The following CDKAL1 variants were observed in gnomAD, a reference collection of about 807,000 sequenced individuals.
CDKAL1 encodes the protein threonylcarbamoyladenosine tRNA methylthiotransferase.
Under a neutral mutation model 68.2 loss-of-function variants are expected in CDKAL1, and 32 were observed. That is an observed-to-expected ratio of 0.47 (90% CI 0.35 to 0.63). The LOEUF is 0.63. Ranked by LOEUF, CDKAL1 falls within the 30% of genes least tolerant of loss-of-function variation. CDKAL1 has a pLI of 0.00. For missense variants in CDKAL1, 606 were observed against 696.7 expected, an observed-to-expected ratio of 0.87 and a Z score of 1.47; for synonymous variants, 234 against 244.3, an observed-to-expected ratio of 0.96 and a Z score of 0.39.
chr6:21,080,009 T>TGTGTGTGTGTGTGTGTGTGTGTGTG lies in CDKAL1; in HGVS notation c.1236+14781_1236+14782insGTGTGTGTGTGTGTGTGTGTGTGTG, dbSNP rs1375751747. ...GTGTGTGTGTGTGTGTGTGTGTGTG[T>TGTGTGTGTGTGTGTGTGTGTGTGTG]TTGAACCATGTAGAAAACTCTGGGC... On this transcript the variant is annotated intron_variant, in intron 12 of 15. Coordinates refer to ENST00000274695, the MANE Select transcript of CDKAL1 (RefSeq NM_017774.3). Among the ~76,000 whole-genome samples the TGTGTGTGTGTGTGTGTGTGTGTGTG allele has an allele frequency of 8.6e-5, 13 of 151,294 alleles. No homozygotes were observed. The East Asian group carries it at 1.4e-3, about 16-fold the overall frequency.
intron 10 of CDKAL1, among the ~76,000 whole-genome samples, chr6:20,987,945 T>C (rs1766565540): frequency 3.3e-5 from 1 of 30,496 alleles, no homozygotes; most frequent in Non-Finnish European, 7.4e-5. Flanking sequence ...ATCCCCAGCT[T>C]TTTTTTTTTT....
chr6:20,639,713 C>T (rs1380134806), intron 4 of CDKAL1, among the ~76,000 whole-genome samples: 1 of 152,234 alleles, frequency 6.6e-6, no homozygotes, highest in East Asian at 1.9e-4. Flanking sequence ...CTCTGCTGCT[C>T]AGGCTGGAGT....
At chr6:20,799,968 G>A (rs1469503733) in intron 8 of CDKAL1, 1 of 152,132 alleles carries the variant, frequency 6.6e-6, no homozygotes, top group Non-Finnish European at 1.5e-5. Flanking sequence ...TCTTAATCAG[G>A]CCCTTATATT....
intron 8 of CDKAL1, among the ~76,000 whole-genome samples, chr6:20,787,811 T>G (rs934641835): frequency 6.6e-6 from 1 of 152,238 alleles, no homozygotes; most frequent in African/African-American, 2.4e-5. Context: ...TAGAGACTTT[T>G]AAGGCAGTTT....
chr6:20,766,871 A>C (rs1774726276), intron 7 of CDKAL1, among the ~76,000 whole-genome samples: 1 of 152,206 alleles, frequency 6.6e-6, no homozygotes. Flanking sequence ...CCTAAATGTT[A>C]TAGTATTTAC....
chr6:20,854,656 A>G (rs1287395719), intron 9 of CDKAL1, among the ~76,000 whole-genome samples: 2 of 152,240 alleles, frequency 1.3e-5, no homozygotes, highest in East Asian at 1.9e-4. Context: ...CTGAGTTTTC[A>G]TAGTTCAGAG....
chr6:20,627,975 T>G (rs1469534057), intron 4 of CDKAL1, among the ~76,000 whole-genome samples: 1 of 151,992 alleles, frequency 6.6e-6, no homozygotes, highest in African/African-American at 2.4e-5. Flanking sequence ...ATTCTAGGAG[T>G]TTTTTGTTGT....
At chr6:20,622,617 A>G (rs573900654) in intron 4 of CDKAL1, among the ~76,000 whole-genome samples, 2 of 152,092 alleles carry the variant, frequency 1.3e-5, no homozygotes, top group Admixed American at 1.3e-4. Flanking sequence ...TTCTTTGCTT[A>G]TTTTATTTCT....
chr6:20,741,267 AT>A (rs903218285), intron 6 of CDKAL1, among the ~76,000 whole-genome samples: 5 of 150,812 alleles, frequency 3.3e-5, no homozygotes, highest in African/African-American at 9.8e-5. Flanking sequence ...GCAGATAAAC[AT>A]TTTTTTTTCT....
chr6:20,888,377 A>G lies in CDKAL1; in HGVS notation c.742+42199A>G, dbSNP rs1435368869. On this transcript the variant is annotated intron_variant, in intron 9 of 15. Transcript: ENST00000274695. ...CATCTTCTTTTTTTTTTTTAATTTT[A>G]TTATTATTATACTTTAAGTTTTAGG... is the stretch of plus-strand genomic sequence containing the variant. Among the ~76,000 whole-genome samples, 12 of 117,966 alleles carry G rather than the reference A, an allele frequency of 1.0e-4. No individual in the cohort carries two copies. The East Asian group carries it at 2.9e-3, about 29-fold the overall frequency. 77.4% of individuals were successfully genotyped at this position (117,966 alleles called of 152,430 possible).
intron 7 of CDKAL1, among the ~76,000 whole-genome samples, chr6:20,762,987 T>C (rs781488065): frequency 5.9e-5 from 9 of 152,332 alleles, no homozygotes; most frequent in Middle Eastern, 6.8e-3. Context: ...TGATGTTTCT[T>C]ATATATTTTT....
chr6:20,619,328 T>TA (rs1276860635), intron 4 of CDKAL1, among the ~76,000 whole-genome samples: 1 of 152,220 alleles, frequency 6.6e-6, no homozygotes, highest in Non-Finnish European at 1.5e-5. Flanking sequence ...TGACAATAGT[T>TA]AACAATATAT....
At chr6:21,192,244 ATC>A (rs1778285287) in intron 13 of CDKAL1, among the ~76,000 whole-genome samples, 1 of 148,312 alleles carries the variant, frequency 6.7e-6, no homozygotes, top group South Asian at 2.1e-4. Flanking sequence ...GATGGTCTCG[ATC>A]TCCTGACCTC....
At chr6:20,912,413 G>T (rs1477174834) in intron 9 of CDKAL1, among the ~76,000 whole-genome samples, 1 of 152,166 alleles carries the variant, frequency 6.6e-6, no homozygotes, top group Non-Finnish European at 1.5e-5. Flanking sequence ...TATGAGGGAA[G>T]TGTAGTGTGT....
At chr6:20,779,544 A>G (rs949432207) in intron 7 of CDKAL1, among the ~76,000 whole-genome samples, 2 of 152,212 alleles carry the variant, frequency 1.3e-5, no homozygotes, top group Non-Finnish European at 2.9e-5. Flanking sequence ...GTTTTAGAAC[A>G]TTGACATCCT....
intron 5 of CDKAL1, among the ~76,000 whole-genome samples, chr6:20,669,917 A>G (rs1769730710): frequency 6.6e-6 from 1 of 152,160 alleles, no homozygotes; most frequent in Non-Finnish European, 1.5e-5. Flanking sequence ...GACTTAGGAA[A>G]TGTATGTATT....
chr6:20,734,173 A>G (rs1773083698), intron 5 of CDKAL1, among the ~76,000 whole-genome samples: 1 of 151,736 alleles, frequency 6.6e-6, no homozygotes, highest in South Asian at 2.1e-4. Context: ...AAAGAAAGAA[A>G]GAAAAAGATT....
At chr6:21,073,707 A>C (rs910362670) in intron 12 of CDKAL1, among the ~76,000 whole-genome samples, 1 of 151,996 alleles carries the variant, frequency 6.6e-6, no homozygotes, top group African/African-American at 2.4e-5. Flanking sequence ...TTGTTTCCTT[A>C]TTGTTGAGTT....
chr6:21,051,659 A>G (rs571456570), intron 11 of CDKAL1, among the ~76,000 whole-genome samples: 33 of 152,344 alleles, frequency 2.2e-4, no homozygotes, highest in African/African-American at 7.9e-4. Flanking sequence ...GAAGTTGTTA[A>G]CATATTGCCT....
Sources: allele counts gnomAD v4.1 joint callset (sites outside exome capture counted in the v4.1 genomes callset), GRCh38; gene constraint gnomAD v4.1.1; transcripts MANE v1.5; gene names NCBI Gene and HGNC (gene_info 2026-07-23, HGNC 2026-07-21).